The following NAALADL2 variants were observed in gnomAD, a reference collection of about 807,000 sequenced individuals.
The protein encoded by NAALADL2 is inactive N-acetylated-alpha-linked acidic dipeptidase-like protein 2.
A neutral mutation model predicts 87.2 loss-of-function variants in NAALADL2; 76 were observed. That is an observed-to-expected ratio of 0.87 (90% CI 0.72 to 1.05). The LOEUF is 1.05. Among genes scored for constraint, NAALADL2 ranks in the 50% least tolerant of loss-of-function variants. NAALADL2 has a pLI of 0.00. For missense variants in NAALADL2, 1,089 were observed against 945.8 expected, an observed-to-expected ratio of 1.15 and a Z score of -1.99; for synonymous variants, 354 against 331.0, an observed-to-expected ratio of 1.07 and a Z score of -0.75.
chr3:174,887,821 C>CTT (rs537247141), intron 1 of NAALADL2, among the ~76,000 whole-genome samples: 159 of 142,472 alleles, frequency 1.1e-3, no homozygotes, highest in African/African-American at 3.4e-3. Flanking sequence ...GCTTGAGCAT[C>CTT]TTTTTTTTTT....
intron 5 of NAALADL2, among the ~76,000 whole-genome samples, chr3:175,338,764 C>T (rs1467403878): frequency 6.6e-6 from 1 of 151,860 alleles, no homozygotes; most frequent in Non-Finnish European, 1.5e-5. Context: ...TGCAAGAGTT[C>T]CTTGAGTTTC....
chr3:175,140,668 GT>G (rs758852272), intron 2 of NAALADL2, among the ~76,000 whole-genome samples: 1 of 152,156 alleles, frequency 6.6e-6, no homozygotes, highest in Non-Finnish European at 1.5e-5. Flanking sequence ...TGGAGCATGA[GT>G]TTAATAAAGG....
intron 3 of NAALADL2, among the ~76,000 whole-genome samples, chr3:174,759,048 C>T (rs1393596488): frequency 6.6e-6 from 1 of 151,948 alleles, no homozygotes; most frequent in South Asian, 2.1e-4. Flanking sequence ...CATCTACATA[C>T]TTTTTTTTCT....
chr3:174,689,945 A>T lies in NAALADL2; in HGVS notation c.-114-47696A>T, dbSNP rs1728406080. 5.4e-5 allele frequency among the ~76,000 whole-genome samples: 8 copies of T among 148,060 alleles called. No homozygotes were observed. In the South Asian group the frequency reaches 1.7e-3, roughly 32 times the overall value. ...ACTACTGTACCTTTTCATGCATAAA[A>T]TATTTGTATAGATCCTTGATCTTCT... On this transcript the variant is annotated intron_variant, in intron 2 of 3. Coordinates refer to the NAALADL2 transcript ENST00000434257.
At chr3:175,647,853 ACTCT>A (rs1297519110) in intron 11 of NAALADL2, among the ~76,000 whole-genome samples, 1 of 151,936 alleles carries the variant, frequency 6.6e-6, no homozygotes, top group African/African-American at 2.4e-5. Context: ...CTAGCCAGCC[ACTCT>A]CATTTCTTGC....
intron 1 of NAALADL2, among the ~76,000 whole-genome samples, chr3:174,909,798 AG>A (rs1365231647): frequency 2.0e-5 from 3 of 152,180 alleles, no homozygotes; most frequent in African/African-American, 4.8e-5. Context: ...AACAGAACCT[AG>A]CACATAGTAT....
chr3:174,627,404 A>G (rs1721679619), intron 2 of NAALADL2, among the ~76,000 whole-genome samples: 1 of 152,212 alleles, frequency 6.6e-6, no homozygotes, highest in African/African-American at 2.4e-5. Flanking sequence ...CACAGATCAG[A>G]ATGCCTATTA....
intron 11 of NAALADL2, among the ~76,000 whole-genome samples, chr3:175,735,037 C>A (rs768569337): frequency 1.3e-5 from 2 of 152,124 alleles, no homozygotes; most frequent in Non-Finnish European, 2.9e-5. Context: ...AAACTGAATG[C>A]CTTTATCAGC....
intron 1 of NAALADL2, among the ~76,000 whole-genome samples, chr3:174,521,571 C>CAAAAAAAAAAAAAAAAAAAAAAA (rs58465181): frequency 1.8e-5 from 1 of 56,190 alleles, no homozygotes; most frequent in Non-Finnish European, 3.1e-5. Context: ...GACCCTGTCT[C>CAAAAAAAAAAAAAAAAAAAAAAA]AAAAAAAAAA....
chr3:175,009,830 C>A (rs191835668), intron 1 of NAALADL2, among the ~76,000 whole-genome samples: 1 of 151,988 alleles, frequency 6.6e-6, no homozygotes, highest in Non-Finnish European at 1.5e-5. Flanking sequence ...ACATAAGCAG[C>A]ATTTCTTGAT....
intron 1 of NAALADL2, among the ~76,000 whole-genome samples, chr3:174,486,061 G>A (rs1482748314): frequency 6.6e-6 from 1 of 152,002 alleles, no homozygotes; most frequent in Admixed American, 6.6e-5. Context: ...ATGTACCCAA[G>A]TGCTTCTCAG....
intron 2 of NAALADL2, among the ~76,000 whole-genome samples, chr3:174,703,627 C>T (rs1230084208): frequency 4.6e-5 from 7 of 152,030 alleles, no homozygotes; most frequent in Admixed American, 3.9e-4. Context: ...ATCATCATCA[C>T]CTATAAATGC....
Position 175,481,214 on chromosome 3 carries a change from T to C in NAALADL2, c.1653+9456T>C, listed in dbSNP as rs1726409501. ...TGTAGGTTTGAATTGTTTTTGAAAA[T>C]AAAAATGGCCAATTAATGTATGTGT... On this transcript the variant is annotated intron_variant, in intron 9 of 13. Coordinates refer to ENST00000454872, the MANE Select transcript of NAALADL2 (RefSeq NM_207015.3). 2.0e-5 allele frequency among the ~76,000 whole-genome samples: 3 copies of C among 151,886 alleles called. No homozygotes were observed. In the South Asian group the frequency reaches 6.2e-4, roughly 31 times the overall value.
At chr3:175,475,274 G>T (rs1403135340) in intron 9 of NAALADL2, among the ~76,000 whole-genome samples, 1 of 151,996 alleles carries the variant, frequency 6.6e-6, no homozygotes, top group Non-Finnish European at 1.5e-5. Context: ...GTACAGGTGA[G>T]TGACCTCTTA....
intron 2 of NAALADL2, among the ~76,000 whole-genome samples, chr3:174,697,302 G>A (rs1044678490): frequency 1.3e-5 from 2 of 152,138 alleles, no homozygotes; most frequent in Admixed American, 6.5e-5. Context: ...CTTACATGGA[G>A]TTTTCAACTT....
At chr3:174,736,757 G>A (rs1169150392) in intron 2 of NAALADL2, among the ~76,000 whole-genome samples, 1 of 152,166 alleles carries the variant, frequency 6.6e-6, no homozygotes, top group Non-Finnish European at 1.5e-5. Context: ...TGAAGGTGCA[G>A]TTTTACCGGG....
intron 2 of NAALADL2, among the ~76,000 whole-genome samples, chr3:175,179,107 T>C (rs1736092239): frequency 6.6e-6 from 1 of 152,068 alleles, no homozygotes. Context: ...GAGAGCTTTC[T>C]ATGATCCACG....
intron 9 of NAALADL2, among the ~76,000 whole-genome samples, chr3:175,510,138 T>A (rs1730956936): frequency 6.6e-6 from 1 of 152,010 alleles, no homozygotes; most frequent in East Asian, 1.9e-4. Flanking sequence ...CTGAGAATGA[T>A]GATGAGGCCA....
chr3:174,688,470 C>A (rs900890973), intron 2 of NAALADL2, among the ~76,000 whole-genome samples: 4 of 64,362 alleles, frequency 6.2e-5, no homozygotes, highest in Admixed American at 4.2e-4. Context: ...TTAATTAAAC[C>A]TATCTCATAT....
Sources: allele counts gnomAD v4.1 joint callset (sites outside exome capture counted in the v4.1 genomes callset), GRCh38; gene constraint gnomAD v4.1.1; transcripts MANE v1.5; gene names NCBI Gene and HGNC (gene_info 2026-07-23, HGNC 2026-07-21).